TAS1R1: variants seen among roughly 807,000 people sequenced by gnomAD.
TAS1R1 encodes the protein taste receptor type 1 member 1.
Under a neutral mutation model 45.8 loss-of-function variants are expected in TAS1R1, and 31 were observed. The ratio of observed to expected loss-of-function variants is 0.68; its 90% confidence interval spans 0.51 to 0.91. The LOEUF (loss-of-function observed/expected upper bound fraction) is 0.91, where lower values mean the gene tolerates loss of function less well. Ranked by LOEUF, TAS1R1 falls within the 40% of genes least tolerant of loss-of-function variation. The pLI is 0.00. For missense variants in TAS1R1, 1,051 were observed against 1,063.9 expected, an observed-to-expected ratio of 0.99 and a Z score of 0.17; for synonymous variants, 437 against 448.4, an observed-to-expected ratio of 0.97 and a Z score of 0.32.
intron 1 of TAS1R1, among the ~76,000 whole-genome samples, chr1:6,567,003 T>C (rs1384809596): frequency 6.6e-6 from 1 of 151,810 alleles, no homozygotes; most frequent in Non-Finnish European, 1.5e-5. Flanking sequence ...GGGAGAGGGG[T>C]CAGGGACTGG....
At position 6,555,317 on chromosome 1, in the gene TAS1R1, A is replaced by T; in HGVS notation, c.-57A>T. 1 of 1,470,022 alleles carries T rather than the reference A, an allele frequency of 6.8e-7. No homozygotes were observed. Among genetic ancestry groups the T allele is most frequent in the Non-Finnish European group, 9.0e-7 (1 of 1,106,356 alleles). The allele number at this position is 1,470,022 out of a possible 1,614,324, so 91.1% of individuals were successfully genotyped here. A position where few individuals can be genotyped will look rare whatever the true frequency, so the allele number is the denominator to read the frequency against. ...TCCGGCAGCTGCCTTCTATTTAAGC[A>T]ACTGGCCTCCTTAGAGGCCACTCCT... is the stretch of plus-strand genomic sequence containing the variant. On this transcript the variant is annotated 5_prime_UTR_variant, in exon 1 of 6. Coordinates refer to ENST00000333172, the MANE Select transcript of TAS1R1 (RefSeq NM_138697.4).
Position 6,578,706 on chromosome 1 carries a change from C to G in TAS1R1, c.1648C>G (p.Gln550Glu). Residue 550 changes from glutamine (Q) to glutamate (E), a missense_variant, in exon 6 of 6, where the codon CAG becomes GAG. Physicochemically the swap from Gln to Glu is conservative, Grantham distance 29. Coordinates refer to ENST00000333172, the MANE Select transcript of TAS1R1 (RefSeq NM_138697.4). Reference protein sequence around the residue: ...GKEEWAPEGSQTCFPRTVVFL... With the variant: ...GKEEWAPEGSETCFPRTVVFL... ...AGAAGAGTGGGCACCTGAGGGAAGC[C>G]AGACCTGCTTCCCGCGCACTGTGGT... The G allele has an allele frequency of 6.2e-7, 1 of 1,607,474 alleles. No individual in the cohort carries two copies. Among genetic ancestry groups the G allele is most frequent in the Non-Finnish European group, 8.5e-7 (1 of 1,175,680 alleles).
At chr1:6,569,540 G>A (rs538418453) in intron 1 of TAS1R1, among the ~76,000 whole-genome samples, 17 of 152,288 alleles carry the variant, frequency 1.1e-4, no homozygotes, top group Admixed American at 5.9e-4. Context: ...GGAGGCCGAG[G>A]GCATTGAGGT....
At chr1:6,568,764 A>T (rs2148671060) in intron 1 of TAS1R1, among the ~76,000 whole-genome samples, 1 of 152,186 alleles carries the variant, frequency 6.6e-6, no homozygotes, top group African/African-American at 2.4e-5. Context: ...TTGCTGATGA[A>T]GATTGGCGGC....
At position 6,579,679 on chromosome 1, in the gene TAS1R1, G is replaced by A. The variant is rs2148680127; in HGVS notation, c.*95G>A. 1 of 1,485,758 alleles carries A rather than the reference G, an allele frequency of 6.7e-7. No individual in the cohort carries two copies. The highest frequency in any genetic ancestry group is 1.4e-5 in the South Asian group (1 of 74,040). 92.0% of individuals were successfully genotyped at this position (1,485,758 alleles called of 1,614,324 possible). ...TGTCCGGGAGGTCTTTGGGCATCGC[G>A]GTCTGGGGTTGGGACGTGTAAGCGC... is the stretch of plus-strand genomic sequence containing the variant. On this transcript the variant is annotated 3_prime_UTR_variant, in exon 6 of 6. Transcript: ENST00000333172.
rs79251103 is a variant in TAS1R1, at chr1:6,576,403, C to T, written c.1261-12C>T. 1.7e-4 allele frequency: 282 copies of T among 1,613,888 alleles called. No individual in the cohort carries two copies. The East Asian group carries it at 4.5e-3, about 26-fold the overall frequency. ...CTGTCTGTGGTGGCTTCATGATACG[C>T]GTTTCTTTCAGCTTTTGGAGCAGAT... is the stretch of plus-strand genomic sequence containing the variant. On this transcript the variant is annotated splice_polypyrimidine_tract_variant and intron_variant, in intron 3 of 5. Coordinates refer to ENST00000333172, the MANE Select transcript of TAS1R1 (RefSeq NM_138697.4).
At chr1:6,560,540 TG>T (rs1337466270) in intron 1 of TAS1R1, among the ~76,000 whole-genome samples, 2 of 151,906 alleles carry the variant, frequency 1.3e-5, no homozygotes, top group African/African-American at 2.4e-5. Context: ...CTGCAGATGG[TG>T]AAAAAAAGAG....
intron 5 of TAS1R1, 105 bp downstream of exon 5, chr1:6,577,175 C>T: frequency 6.6e-7 from 1 of 1,506,178 alleles, no homozygotes; most frequent in Non-Finnish European, 9.0e-7. Flanking sequence ...GAACCAAGGC[C>T]CAGTCACTGG....
At chr1:6,569,470 T>C (rs1639953086) in intron 1 of TAS1R1, among the ~76,000 whole-genome samples, 1 of 152,170 alleles carries the variant, frequency 6.6e-6, no homozygotes, top group South Asian at 2.1e-4. Flanking sequence ...TTGTCTAACC[T>C]GTATTGAGGC....
At chr1:6,555,699 C>A in intron 1 of TAS1R1, 135 bp downstream of exon 1, 1 of 804,262 alleles carries the variant, frequency 1.2e-6, no homozygotes, top group Non-Finnish European at 1.9e-6. Context: ...CATCAATCCA[C>A]TTGCCACCTA....
In TAS1R1 at chr1:6,556,171, G is replaced by A. The variant is rs1170013338; in HGVS notation, c.191+607G>A. ...CAGGCGTGAGCCACCGCGCCCAGCC[G>A]CTTTTTCCCTCTTCTATCTTCTCTC... On this transcript the variant is annotated intron_variant, in intron 1 of 5. Transcript: ENST00000333172. 2.6e-5 allele frequency among the ~76,000 whole-genome samples: 4 copies of A among 151,694 alleles called. No homozygotes were observed. In the South Asian group the frequency reaches 6.2e-4, roughly 24 times the overall value.
In TAS1R1 at chr1:6,579,199, A is replaced by G; in HGVS notation, c.2141A>G (p.His714Arg). ...GCTAGGGAATACCAGCGCTTCCCCC[A>G]TCTGGTGATGCTTGAGTGCACAGAG... ...LPAREYQRFPHLVMLECTETN... is the reference protein window; with the variant it reads ...LPAREYQRFPRLVMLECTETN... The change falls in exon 6 of 6, where the codon CAT becomes CGT. Residue 714 changes from histidine (H) to arginine (R), a missense_variant. His to Arg is a conservative substitution (Grantham distance 29). Coordinates refer to ENST00000333172, the MANE Select transcript of TAS1R1 (RefSeq NM_138697.4). 6.2e-7 allele frequency: 1 copy of G among 1,614,092 alleles called. No homozygotes were observed. Among genetic ancestry groups the G allele is most frequent in the South Asian group, 1.1e-5 (1 of 91,074 alleles).
chr1:6,576,443 T>C lies in TAS1R1; in HGVS notation c.1289T>C (p.Phe430Ser). ...QLLEQIHKVH[F>S]LLHKDTVAFN... ...TTGGAGCAGATCCACAAGGTGCATTTCCTTCTACACAAGGACACTGTGGCG... is the reference window on the plus strand; with the variant it reads ...TTGGAGCAGATCCACAAGGTGCATTCCCTTCTACACAAGGACACTGTGGCG... Residue 430 changes from phenylalanine to serine, a missense_variant, in exon 4 of 6, where the codon TTC becomes TCC. By Grantham distance (155) the Phe-to-Ser change is radical. Transcript: ENST00000333172. The C allele has an allele frequency of 6.2e-7, 1 of 1,614,240 alleles. No homozygotes were observed.
chr1:6,559,201 T>G (rs1397719061), intron 1 of TAS1R1, among the ~76,000 whole-genome samples: 1 of 151,924 alleles, frequency 6.6e-6, no homozygotes, highest in African/African-American at 2.4e-5. Context: ...CCCCAATTTT[T>G]GTACTTTTAA....
In TAS1R1 at chr1:6,576,634, G is replaced by T. The variant is rs773434921; in HGVS notation, c.1473+7G>T. 6.2e-7 allele frequency: 1 copy of T among 1,611,756 alleles called. No homozygotes were observed. ...GCACGGAAAGGACAACCAGGTAATG[G>T]GGATGTGGCTACTCACCATGTAACT... On this transcript the variant is annotated splice_region_variant and intron_variant, in intron 4 of 5. Transcript: ENST00000333172.
chr1:6,560,180 C>T (rs185584207), intron 1 of TAS1R1, among the ~76,000 whole-genome samples: 1 of 152,126 alleles, frequency 6.6e-6, no homozygotes, highest in African/African-American at 2.4e-5. Flanking sequence ...GCCTGTAATC[C>T]CAGCTACTTG....
At chr1:6,573,584 T>G (rs1222612549) in intron 2 of TAS1R1, among the ~76,000 whole-genome samples, 1 of 152,206 alleles carries the variant, frequency 6.6e-6, no homozygotes, top group Non-Finnish European at 1.5e-5. Context: ...TGGAAGACAA[T>G]TTTTCTAAGG....
chr1:6,569,946 G>A (rs945128311), intron 1 of TAS1R1, among the ~76,000 whole-genome samples: 4 of 151,904 alleles, frequency 2.6e-5, no homozygotes, highest in South Asian at 2.1e-4. Context: ...GAAGGGGAGG[G>A]TGGCCAGGAG....
At chr1:6,575,503 A>T in intron 3 of TAS1R1, 111 bp downstream of exon 3, 1 of 1,256,714 alleles carries the variant, frequency 8.0e-7, no homozygotes, top group Non-Finnish European at 1.1e-6. Flanking sequence ...AATGCCACTA[A>T]CTTGAGGTTT....
Sources: gnomAD v4.1 joint callset for allele counts (sites outside exome capture counted in the v4.1 genomes callset) on GRCh38, gnomAD v4.1.1 for gene constraint, MANE v1.5 for transcripts, NCBI Gene and HGNC (gene_info 2026-07-23, HGNC 2026-07-21) for gene names.